The following LHFPL2 variants were observed in gnomAD, a reference collection of about 807,000 sequenced individuals.
The protein encoded by LHFPL2 is LHFPL tetraspan subfamily member 2, also known as LHFPL tetraspan subfamily member 2 protein.
LHFPL2 carries 7 observed loss-of-function variants against 17.5 expected under a neutral mutation model. That is an observed-to-expected ratio of 0.40 (90% CI 0.23 to 0.75). The LOEUF (loss-of-function observed/expected upper bound fraction) is 0.75, where lower values mean the gene tolerates loss of function less well. Among genes scored for constraint, LHFPL2 ranks in the 30% least tolerant of loss-of-function variants. The probability of loss-of-function intolerance (pLI) is 0.37; values close to 1 mark genes in which losing one functional copy is unlikely to be tolerated. For synonymous variants in LHFPL2, 134 were observed against 116.2 expected (o/e 1.15, Z -0.99); for missense variants, 241 against 294.8 (o/e 0.82, Z 1.34).
At chr5:78,601,200 G>A (rs557821091) in intron 2 of LHFPL2, among the ~76,000 whole-genome samples, 1 of 152,334 alleles carries the variant, frequency 6.6e-6, no homozygotes, top group South Asian at 2.1e-4. Context: ...GAAATGAGGT[G>A]TCACTGAGGA....
At chr5:78,641,283 T>A (rs955948887) in intron 1 of LHFPL2, among the ~76,000 whole-genome samples, 1 of 152,248 alleles carries the variant, frequency 6.6e-6, no homozygotes, top group Non-Finnish European at 1.5e-5. Context: ...TACATCAACC[T>A]GGGCTACTAT....
At chr5:78,604,133 A>G (rs568970659) in intron 2 of LHFPL2, among the ~76,000 whole-genome samples, 4 of 152,208 alleles carry the variant, frequency 2.6e-5, no homozygotes, top group Non-Finnish European at 5.9e-5. Context: ...AAGCAATACT[A>G]TATACCCACC....
chr5:78,498,651 C>G (rs188745898), intron 4 of LHFPL2, among the ~76,000 whole-genome samples: 26 of 152,284 alleles, frequency 1.7e-4, no homozygotes, highest in African/African-American at 6.0e-4. Flanking sequence ...TTCCCAAAGA[C>G]CACAGTGTGA....
intron 3 of LHFPL2, among the ~76,000 whole-genome samples, chr5:78,554,060 A>G (rs1393427522): frequency 6.6e-6 from 1 of 152,244 alleles, no homozygotes; most frequent in Non-Finnish European, 1.5e-5. Context: ...AGCATTGATC[A>G]GGCGCTGATC....
chr5:78,505,370 C>T lies in LHFPL2; in HGVS notation c.430+4414G>A, dbSNP rs118008075. 9.2e-5 allele frequency among the ~76,000 whole-genome samples: 14 copies of T among 152,258 alleles called. No homozygotes were observed. In the East Asian group the frequency reaches 2.5e-3, roughly 27 times the overall value. On this transcript the variant is annotated intron_variant, in intron 4 of 4. Transcript: ENST00000380345. ...AGACTAATCAACCTGTGATTTACTCCGCCAGGAGAATCTCAGAAGCCACCT... is the reference window on the plus strand; with the variant it reads ...AGACTAATCAACCTGTGATTTACTCTGCCAGGAGAATCTCAGAAGCCACCT...
chr5:78,591,630 T>C (rs1743629968), intron 2 of LHFPL2, among the ~76,000 whole-genome samples: 1 of 152,208 alleles, frequency 6.6e-6, no homozygotes, highest in Non-Finnish European at 1.5e-5. Flanking sequence ...ATCCTTGACA[T>C]TGTCGCGTCT....
chr5:78,589,661 G>A (rs1172307842), intron 2 of LHFPL2, among the ~76,000 whole-genome samples: 4 of 152,136 alleles, frequency 2.6e-5, no homozygotes, highest in Non-Finnish European at 5.9e-5. Flanking sequence ...CTGCTACAGG[G>A]CCAGCCTTGT....
At position 78,532,298 on chromosome 5, in the gene LHFPL2, G is replaced by A. The variant is rs57336622; in HGVS notation, c.-185-21900C>T. Among the ~76,000 whole-genome samples the A allele has an allele frequency of 9.6e-3, 1,468 of 152,226 alleles. 24 individuals carry two copies. Among genetic ancestry groups the A allele is most frequent in the African/African-American group, 0.032 (1,319 of 41,520 alleles). On this transcript the variant is annotated intron_variant, in intron 3 of 4. Coordinates refer to ENST00000380345, the MANE Select transcript of LHFPL2 (RefSeq NM_005779.3). Reference sequence around the variant, plus strand: ...TCATCTCGAACTCCTGGGCTCAAGCGATCCACCTGCCTTGGCCTCCTAAAG... The same window carrying A: ...TCATCTCGAACTCCTGGGCTCAAGCAATCCACCTGCCTTGGCCTCCTAAAG...
At chr5:78,619,096 G>A (rs1188602248) in intron 2 of LHFPL2, among the ~76,000 whole-genome samples, 2 of 152,170 alleles carry the variant, frequency 1.3e-5, no homozygotes, top group African/African-American at 2.4e-5. Flanking sequence ...TGCAATCTCA[G>A]CTTACTGCAA....
chr5:78,629,027 G>A (rs1252020461), intron 2 of LHFPL2, among the ~76,000 whole-genome samples: 1 of 152,156 alleles, frequency 6.6e-6, no homozygotes, highest in African/African-American at 2.4e-5. Context: ...ATAGGGAAAA[G>A]GGGGAAAAGG....
intron 3 of LHFPL2, among the ~76,000 whole-genome samples, chr5:78,561,788 G>A (rs567429315): frequency 1.2e-3 from 186 of 152,288 alleles, no homozygotes; most frequent in African/African-American, 4.3e-3. Flanking sequence ...AGGTGAGAAC[G>A]AGACAGGGTG....
At chr5:78,527,293 T>A in intron 3 of LHFPL2, among the ~76,000 whole-genome samples, 1 of 151,762 alleles carries the variant, frequency 6.6e-6, no homozygotes, top group Non-Finnish European at 1.5e-5. Flanking sequence ...TTTAACTCAG[T>A]TCTGTCTGGA....
rs117453046 is a variant in LHFPL2 at position 78,638,550 on chromosome 5, A to G, written c.-349-6182T>C. ...CATGGAATGCTGGCTCTTTGGTTCC[A>G]GCACAATGTTAATGAGGTCGAGGTC... is the stretch of plus-strand genomic sequence containing the variant. On this transcript the variant is annotated intron_variant, in intron 1 of 4. Coordinates refer to ENST00000380345, the MANE Select transcript of LHFPL2 (RefSeq NM_005779.3). Among the ~76,000 whole-genome samples the G allele has an allele frequency of 3.2e-4, 49 of 152,280 alleles. No homozygotes were observed. The East Asian group carries it at 8.7e-3, about 27-fold the overall frequency.
At chr5:78,524,716 T>TG (rs1755565655) in intron 3 of LHFPL2, among the ~76,000 whole-genome samples, 2 of 134,026 alleles carry the variant, frequency 1.5e-5, no homozygotes, top group African/African-American at 5.8e-5. Flanking sequence ...CACTCCAGTC[T>TG]GGGGGACAGA....
intron 4 of LHFPL2, among the ~76,000 whole-genome samples, chr5:78,506,105 AT>A (rs1396906223): frequency 2.0e-5 from 3 of 152,254 alleles, no homozygotes; most frequent in African/African-American, 7.2e-5. Flanking sequence ...GGCAATGATT[AT>A]ATTTCATTAC....
chr5:78,562,647 AAAAG>A (rs1561340489), intron 3 of LHFPL2, among the ~76,000 whole-genome samples: 1 of 151,908 alleles, frequency 6.6e-6, no homozygotes, highest in African/African-American at 2.4e-5. Context: ...AAAAAAAAAA[AAAAG>A]AAAGAAAGCA....
chr5:78,498,068 CAA>C (rs774015825), intron 4 of LHFPL2, among the ~76,000 whole-genome samples: 18 of 152,204 alleles, frequency 1.2e-4, no homozygotes, highest in Non-Finnish European at 1.8e-4. Context: ...TGAGAGAAGA[CAA>C]AGGATACGTG....
chr5:78,545,000 C>T (rs2112382613), intron 3 of LHFPL2, among the ~76,000 whole-genome samples: 1 of 152,232 alleles, frequency 6.6e-6, no homozygotes, highest in Admixed American at 6.5e-5. Context: ...TCGTGCATCA[C>T]TCACTCCCAC....
chr5:78,526,747 T>G (rs1755631293), intron 3 of LHFPL2, among the ~76,000 whole-genome samples: 1 of 152,212 alleles, frequency 6.6e-6, no homozygotes, highest in Non-Finnish European at 1.5e-5. Context: ...TATTATTATG[T>G]TATTGTCAAT....
Sources: gnomAD v4.1 joint callset for allele counts (sites outside exome capture counted in the v4.1 genomes callset) on GRCh38, gnomAD v4.1.1 for gene constraint, MANE v1.5 for transcripts, NCBI Gene and HGNC (gene_info 2026-07-23, HGNC 2026-07-21) for gene names.